SLK: variants seen among roughly 807,000 people sequenced by gnomAD.
The protein encoded by SLK is STE20-like serine/threonine-protein kinase.
In SLK, 67 loss-of-function variants were observed where a neutral mutation model predicts 147.7. That is an observed-to-expected ratio of 0.45 (90% CI 0.37 to 0.56). The LOEUF (loss-of-function observed/expected upper bound fraction) is 0.56, where lower values mean the gene tolerates loss of function less well. Among genes scored for constraint, SLK ranks in the 20% least tolerant of loss-of-function variants. The pLI is 0.00. For synonymous variants in SLK, 441 were observed against 475.0 expected (o/e 0.93, Z 0.93); for missense variants, 1,136 against 1,438.8 (o/e 0.79, Z 3.41).
Position 103,999,101 on chromosome 10 carries a change from A to C in SLK, c.588-18A>C. ...ACTGTTCTTAAACATGTTAACTTTTAATTATCTGTCTTCATAGGATGGCTC... is the reference window on the plus strand; with the variant it reads ...ACTGTTCTTAAACATGTTAACTTTTCATTATCTGTCTTCATAGGATGGCTC... On this transcript the variant is annotated intron_variant, in intron 5 of 18. Coordinates refer to ENST00000369755, the MANE Select transcript of SLK (RefSeq NM_014720.4). The C allele has an allele frequency of 6.3e-7, 1 of 1,591,822 alleles. No homozygotes were observed. Among genetic ancestry groups the C allele is most frequent in the Non-Finnish European group, 8.6e-7 (1 of 1,167,868 alleles).
intron 15 of SLK, among the ~76,000 whole-genome samples, chr10:104,019,444 A>T (rs973626159): frequency 1.8e-4 from 28 of 151,844 alleles, no homozygotes; most frequent in African/African-American, 5.8e-4. Flanking sequence ...AAAAAAAAAA[A>T]TTTTGTGTGT....
chr10:103,998,739 G>A (rs1157226490), intron 4 of SLK, among the ~76,000 whole-genome samples, 160 bp from the exon 5 acceptor site: 1 of 152,106 alleles, frequency 6.6e-6, no homozygotes, highest in Admixed American at 6.5e-5. Context: ...GAAAGAGATG[G>A]TCAAGATTAA....
intron 4 of SLK, 59 bp downstream of exon 4, chr10:103,993,192 G>A: frequency 1.5e-6 from 2 of 1,298,406 alleles, no homozygotes; most frequent in Non-Finnish European, 2.2e-6. Context: ...CCATCTTTAT[G>A]TATGTGACTT....
intron 1 of SLK, among the ~76,000 whole-genome samples, chr10:103,980,469 C>T (rs551183542): frequency 7.9e-5 from 12 of 152,206 alleles, no homozygotes; most frequent in Admixed American, 1.3e-4. Context: ...GAAACTCTAC[C>T]GTGTTAAACA....
intron 7 of SLK, among the ~76,000 whole-genome samples, chr10:104,000,840 C>T (rs1844236450): frequency 6.6e-6 from 1 of 151,812 alleles, no homozygotes; most frequent in African/African-American, 2.4e-5. Context: ...GGTGGATCAC[C>T]TGAGGTCAGG....
intron 4 of SLK, 123 bp downstream of exon 4, chr10:103,993,256 C>A: frequency 1.7e-6 from 1 of 599,540 alleles, no homozygotes; most frequent in Non-Finnish European, 2.7e-6. Flanking sequence ...TAACTCCATG[C>A]TGGTTTTTAA....
intron 1 of SLK, among the ~76,000 whole-genome samples, chr10:103,971,490 G>A (rs1317271081): frequency 1.3e-5 from 2 of 152,138 alleles, no homozygotes; most frequent in East Asian, 3.9e-4. Flanking sequence ...TTGCCAGGGT[G>A]GTCTTTCCTG....
rs1479502195 is a variant in SLK at position 103,997,015 on chromosome 10, C to CTA, written c.515-1882_515-1881dup. ...ATTATTATACAACCATTACCATCAC[C>CTA]TATCTCCATACCTCTTTTCATCTTG... On this transcript the variant is annotated intron_variant, in intron 4 of 18. Transcript: ENST00000369755. 2.0e-5 allele frequency among the ~76,000 whole-genome samples: 3 copies of CTA among 152,226 alleles called. No individual in the cohort carries two copies. The East Asian group carries it at 5.8e-4, about 29-fold the overall frequency.
intron 1 of SLK, among the ~76,000 whole-genome samples, chr10:103,977,312 A>T (rs1843884671): frequency 6.6e-6 from 1 of 152,298 alleles, no homozygotes; most frequent in East Asian, 1.9e-4. Flanking sequence ...CCAAAACCTC[A>T]ATAAAAACTG....
At chr10:104,012,600 C>T (rs1366997655) in intron 13 of SLK, among the ~76,000 whole-genome samples, 1 of 152,196 alleles carries the variant, frequency 6.6e-6, no homozygotes, top group African/African-American at 2.4e-5. Context: ...GGCTGAGTGA[C>T]CCTCCCAAGG....
In SLK at chr10:103,999,320, A is replaced by G. The variant is rs892792019; in HGVS notation, c.782+7A>G. ...TAGCACAGCCATCCAGATGGTAAAA[A>G]TATTCTTAAAAAAGCTTAATAAGAA... On this transcript the variant is annotated splice_region_variant and intron_variant, in intron 6 of 18. Transcript: ENST00000369755. 1 of 1,580,760 alleles carries G rather than the reference A, an allele frequency of 6.3e-7. No homozygotes were observed. The highest frequency in any genetic ancestry group is 1.4e-5 in the African/African-American group (1 of 73,198).
chr10:103,985,659 A>G (rs527353386), intron 1 of SLK, among the ~76,000 whole-genome samples: 1 of 152,156 alleles, frequency 6.6e-6, no homozygotes, highest in Non-Finnish European at 1.5e-5. Flanking sequence ...TGTGGGACTG[A>G]AATCATCTCT....
intron 1 of SLK, among the ~76,000 whole-genome samples, chr10:103,989,026 C>G (rs146041415): frequency 2.0e-5 from 3 of 152,284 alleles, no homozygotes; most frequent in African/African-American, 7.2e-5. Flanking sequence ...ATAGCCATAG[C>G]ATGCATTAAT....
intron 13 of SLK, among the ~76,000 whole-genome samples, chr10:104,016,045 G>A (rs372326269): frequency 1.4e-4 from 21 of 152,126 alleles, no homozygotes; most frequent in Admixed American, 8.5e-4. Flanking sequence ...GAGGCTGGGC[G>A]CGTTGGCTCA....
chr10:103,992,918 A>ATTCTG, intron 3 of SLK, 66 bp from the exon 4 acceptor site: 1 of 1,172,092 alleles, frequency 8.5e-7, no homozygotes, highest in Non-Finnish European at 1.3e-6. Context: ...ACAGAAAGGT[A>ATTCTG]TATAGCCTGC....
intron 12 of SLK, among the ~76,000 whole-genome samples, chr10:104,009,590 C>T (rs908298924): frequency 5.3e-5 from 8 of 152,102 alleles, no homozygotes; most frequent in South Asian, 4.2e-4. Context: ...ACTGGGGCTA[C>T]ATGTTAATTT....
chr10:104,013,950 T>A (rs774539961), intron 13 of SLK, among the ~76,000 whole-genome samples: 3 of 152,290 alleles, frequency 2.0e-5, no homozygotes, highest in Non-Finnish European at 4.4e-5. Flanking sequence ...GATGAAGAAA[T>A]TGAGGCACAG....
rs575160940 is a variant in SLK, at chr10:103,996,742, G to A, written c.515-2157G>A. Reference sequence around the variant, plus strand: ...ACAATATTCGAGTGCTTTCTTCCCCGCCCCCGACAGGAAAGTTTTCTGGAG... The same window carrying A: ...ACAATATTCGAGTGCTTTCTTCCCCACCCCCGACAGGAAAGTTTTCTGGAG... On this transcript the variant is annotated intron_variant, in intron 4 of 18. Transcript: ENST00000369755. Among the ~76,000 whole-genome samples, 8 of 151,884 alleles carry A rather than the reference G, an allele frequency of 5.3e-5. No homozygotes were observed. The South Asian group carries it at 6.2e-4, about 12-fold the overall frequency.
chr10:103,990,845 T>C lies in SLK; in HGVS notation c.315+6T>C, dbSNP rs945502596. On this transcript the variant is annotated splice_donor_region_variant and intron_variant, in intron 2 of 18. Transcript: ENST00000369755. ...ATTATGAGAACAATCTTTGGGTAAG[T>C]ATTTTCTGTTGATCTAAAGGAGTAG... 2 of 1,483,090 alleles carry C rather than the reference T, an allele frequency of 1.3e-6. No individual in the cohort carries two copies. The highest frequency in any genetic ancestry group is 1.8e-6 in the Non-Finnish European group (2 of 1,121,976). 91.9% of individuals were successfully genotyped at this position (1,483,090 alleles called of 1,614,324 possible).
Sources: allele counts gnomAD v4.1 joint callset (sites outside exome capture counted in the v4.1 genomes callset), GRCh38; gene constraint gnomAD v4.1.1; transcripts MANE v1.5; gene names NCBI Gene and HGNC (gene_info 2026-07-23, HGNC 2026-07-21).